Variants in MGST1 observed in about 807,000 individuals in gnomAD.
The protein encoded by MGST1 is glutathione S-transferase 12.
MGST1 carries 5 observed loss-of-function variants against 8.9 expected under a neutral mutation model. The observed-to-expected ratio is 0.56, with a 90% CI of 0.29 to 1.19. MGST1 has a LOEUF of 1.19. Ranked by LOEUF, MGST1 falls within the 50% of genes most tolerant of loss-of-function variation. The pLI, the probability that MGST1 is intolerant of heterozygous loss-of-function variation, is 0.08. For synonymous variants in MGST1, 54 were observed against 67.8 expected (o/e 0.80, Z 1.00); for missense variants, 182 against 187.4 (o/e 0.97, Z 0.17).
intron 4 of MGST1, among the ~76,000 whole-genome samples, chr12:16,556,539 A>ACAATT (rs1474951924): frequency 6.6e-6 from 1 of 152,242 alleles, no homozygotes; most frequent in Non-Finnish European, 1.5e-5. Flanking sequence ...ACTGCTGAAT[A>ACAATT]CAATTCACAA....
chr12:16,357,300 C>T lies in MGST1; in HGVS notation c.127-305C>T, dbSNP rs540080975. 6.2e-4 allele frequency among the ~76,000 whole-genome samples: 94 copies of T among 152,168 alleles called. 1 individual carries two copies. Among genetic ancestry groups the T allele is most frequent in the African/African-American group, 2.2e-3 (93 of 41,510 alleles). On this transcript the variant is annotated intron_variant, in intron 2 of 3. Coordinates refer to ENST00000396210, the MANE Select transcript of MGST1 (RefSeq NM_020300.5). ...TTTGAGGCAGGGTCTTGCTCTGTCA[C>T]CCAGACTAGATTGTAGTGGTGCAAT...
intron 1 of MGST1, among the ~76,000 whole-genome samples, chr12:16,387,429 C>T (rs1169376405): frequency 3.9e-5 from 6 of 152,308 alleles, no homozygotes; most frequent in South Asian, 4.1e-4. Flanking sequence ...AAGTAATGTC[C>T]TAGGCCTTCG....
rs149261696 is a variant in MGST1 at position 16,503,286 on chromosome 12, A to G, written n.483-86242A>G. On this transcript the variant is annotated intron_variant and non_coding_transcript_variant, in intron 4 of 4. Coordinates refer to the MGST1 transcript ENST00000538857. The surrounding 1 kb of genome is among the most constrained non-coding windows in gnomAD (Gnocchi z 4.8). ...GAAAATAAGACAGAACGGGTGGTCA[A>G]ATAGCATTTTTTTCTACTTTTTCCC... 2.3e-3 allele frequency among the ~76,000 whole-genome samples: 351 copies of G among 152,266 alleles called. 3 individuals are homozygous for G. Among genetic ancestry groups the G allele is most frequent in the African/African-American group, 7.9e-3 (329 of 41,554 alleles).
In MGST1 at chr12:16,546,142, A is replaced by G. The variant is rs1941822426; in HGVS notation, n.483-43386A>G. The stretch of plus-strand genomic sequence containing the variant: ...AATTGTTTGGTAAATATTCGCTATT[A>G]TTACTAAAAGTTATTGAAGATGGGT... On this transcript the variant is annotated intron_variant and non_coding_transcript_variant, in intron 4 of 4. Transcript: ENST00000538857. The surrounding 1 kb of genome is among the most constrained non-coding windows in gnomAD (Gnocchi z 4.7). 6.6e-6 allele frequency among the ~76,000 whole-genome samples: 1 copy of G among 152,136 alleles called. No homozygotes were observed. The highest frequency in any genetic ancestry group is 2.4e-5 in the African/African-American group (1 of 41,428).
Position 16,500,117 on chromosome 12 carries a change from A to G in MGST1, n.483-89411A>G, listed in dbSNP as rs988509706. 2.6e-5 allele frequency among the ~76,000 whole-genome samples: 4 copies of G among 152,338 alleles called. No individual in the cohort carries two copies. The highest frequency in any genetic ancestry group is 7.2e-5 in the African/African-American group (3 of 41,580). ...AACAATTAATTATTTCTTAAAGATT[A>G]TACTGTTGCCAGAGAAGTTTTCTTT... On this transcript the variant is annotated intron_variant and non_coding_transcript_variant, in intron 4 of 4. Transcript: ENST00000538857. This position sits in a 1 kb window ranked among gnomAD's most constrained non-coding sequence, Gnocchi z 4.3.
chr12:16,436,158 G>A (rs1940984163), intron 1 of MGST1, among the ~76,000 whole-genome samples: 1 of 151,956 alleles, frequency 6.6e-6, no homozygotes, highest in African/African-American at 2.4e-5. Flanking sequence ...AATAGAACAA[G>A]CTATTTGCTT....
intron 4 of MGST1, among the ~76,000 whole-genome samples, chr12:16,480,608 T>C (rs1040052907): frequency 6.6e-6 from 1 of 152,110 alleles, no homozygotes; most frequent in Admixed American, 6.5e-5. Context: ...ATAGGTAAAA[T>C]ATTTATCAGG....
At chr12:16,472,579 AATGATAAT>A (rs1941295862) in intron 4 of MGST1, among the ~76,000 whole-genome samples, 1 of 152,098 alleles carries the variant, frequency 6.6e-6, no homozygotes, top group Non-Finnish European at 1.5e-5. Context: ...CAGCCTCCAG[AATGATAAT>A]ATGTTGTCTG....
chr12:16,557,218 G>T (rs1003778335), intron 4 of MGST1, among the ~76,000 whole-genome samples: 1 of 152,034 alleles, frequency 6.6e-6, no homozygotes, highest in African/African-American at 2.4e-5. Flanking sequence ...GATAAAATAG[G>T]TAACCCTACT....
At chr12:16,383,498 G>A (rs1363665986) in exon 1 of MGST1, 1 of 144,280 alleles carries the variant, frequency 6.9e-6, no homozygotes, top group East Asian at 1.9e-4. Context: ...TTTTGTTCTT[G>A]TTGTCCAGGA....
chr12:16,429,838 T>C (rs1048518022), intron 1 of MGST1, among the ~76,000 whole-genome samples: 2 of 152,140 alleles, frequency 1.3e-5, no homozygotes, highest in African/African-American at 4.8e-5. Flanking sequence ...TGTTGAAAGT[T>C]GGGGTGGCTG....
intron 4 of MGST1, among the ~76,000 whole-genome samples, chr12:16,541,581 C>T (rs565569576): frequency 6.6e-6 from 1 of 152,212 alleles, no homozygotes; most frequent in South Asian, 2.1e-4. Context: ...AATGGAAATA[C>T]TAACTTTACA....
chr12:16,387,687 T>TC (rs1940516484), intron 1 of MGST1, among the ~76,000 whole-genome samples: 1 of 151,928 alleles, frequency 6.6e-6, no homozygotes, highest in East Asian at 1.9e-4. Context: ...CCACCACGCC[T>TC]GGCTAATTTT....
chr12:16,479,198 G>GTA (rs144060566), intron 4 of MGST1, among the ~76,000 whole-genome samples: 10,951 of 139,360 alleles, frequency 0.079, 463 homozygotes, highest in South Asian at 0.15. Flanking sequence ...TCCATTGTGT[G>GTA]TATATATATA....
intron 4 of MGST1, among the ~76,000 whole-genome samples, chr12:16,554,116 GA>G (rs1197113741): frequency 4.6e-5 from 7 of 152,142 alleles, no homozygotes; most frequent in Non-Finnish European, 8.8e-5. Flanking sequence ...GTAATTTCTA[GA>G]TATTTTTGAG....
downstream of MGST1, chr12:16,364,458 A>T: frequency 4.3e-6 from 4 of 940,814 alleles, no homozygotes; most frequent in Non-Finnish European, 5.1e-6. The surrounding 1 kb of genome is among the most constrained non-coding windows in gnomAD (Gnocchi z 5.7). Context: ...AAAAGTTTCA[A>T]ACCTAGGGTA....
chr12:16,555,447 AT>A lies in MGST1; in HGVS notation n.483-34078del, dbSNP rs2137280919. Among the ~76,000 whole-genome samples, 1 of 152,306 alleles carries A rather than the reference AT, an allele frequency of 6.6e-6. No homozygotes were observed. The highest frequency in any genetic ancestry group is 2.1e-4 in the South Asian group (1 of 4,834). On this transcript the variant is annotated intron_variant and non_coding_transcript_variant, in intron 4 of 4. Coordinates refer to the MGST1 transcript ENST00000538857. This position sits in a 1 kb window ranked among gnomAD's most constrained non-coding sequence, Gnocchi z 5.5. The stretch of plus-strand genomic sequence containing the variant: ...TCTGCGGTAAATGACCACGAGTTAT[AT>A]TTCTTTTGAACCCTTTGCAGAACCA...
At chr12:16,558,023 A>G (rs1394798068) in intron 4 of MGST1, among the ~76,000 whole-genome samples, 1 of 152,076 alleles carries the variant, frequency 6.6e-6, no homozygotes, top group Non-Finnish European at 1.5e-5. Flanking sequence ...GACATATGTG[A>G]AGCTCTGTCC....
chr12:16,558,431 T>C (rs1374711895), intron 4 of MGST1, among the ~76,000 whole-genome samples: 2 of 152,038 alleles, frequency 1.3e-5, no homozygotes, highest in Non-Finnish European at 2.9e-5. Context: ...ACATGACAAG[T>C]CAACAAAAGT....
Sources: gnomAD v4.1 joint callset for allele counts (sites outside exome capture counted in the v4.1 genomes callset) on GRCh38, gnomAD v4.1.1 for gene constraint, Gnocchi (gnomAD v3.1) non-coding constraint, MANE v1.5 for transcripts, NCBI Gene and HGNC (gene_info 2026-07-23, HGNC 2026-07-21) for gene names.